The following L3MBTL3 variants were observed in gnomAD, a reference collection of about 807,000 sequenced individuals.
L3MBTL3 encodes the protein lethal(3)malignant brain tumor-like protein 3.
In L3MBTL3, 27 loss-of-function variants were observed where a neutral mutation model predicts 102.3. The observed-to-expected ratio is 0.26, with a 90% CI of 0.19 to 0.36. The LOEUF (loss-of-function observed/expected upper bound fraction) is 0.36. Ranked by LOEUF, L3MBTL3 falls within the 10% of genes least tolerant of loss-of-function variation. The pLI is 1.00. For missense variants in L3MBTL3, 798 were observed against 955.3 expected, an observed-to-expected ratio of 0.84 and a Z score of 2.17; for synonymous variants, 340 against 320.9, an observed-to-expected ratio of 1.06 and a Z score of -0.64.
chr6:130,022,275 A>G lies in L3MBTL3; in HGVS notation c.-46A>G. On this transcript the variant is annotated 5_prime_UTR_variant, in exon 2 of 23. Transcript: ENST00000361794. ...GTGGACAGCAATTGTGAAGATCGCCAGAGAGTTCTGTGTTTCATCACCGCC... is the reference window on the plus strand; with the variant it reads ...GTGGACAGCAATTGTGAAGATCGCCGGAGAGTTCTGTGTTTCATCACCGCC... 6.6e-6 allele frequency: 1 copy of G among 152,194 alleles called. No individual in the cohort carries two copies. Among genetic ancestry groups the G allele is most frequent in the East Asian group, 1.9e-4 (1 of 5,202 alleles). The allele number at this position is 152,194 out of a possible 1,614,324, so 9.4% of individuals were successfully genotyped here.
chr6:130,025,378 G>C (rs146880479), intron 2 of L3MBTL3, among the ~76,000 whole-genome samples: 82 of 152,276 alleles, frequency 5.4e-4, no homozygotes, highest in African/African-American at 1.9e-3. Context: ...ATTGGTGGTT[G>C]TGGATGTAAG....
At chr6:130,086,901 A>G (rs1229997295) in intron 16 of L3MBTL3, among the ~76,000 whole-genome samples, 2 of 152,200 alleles carry the variant, frequency 1.3e-5, no homozygotes, top group African/African-American at 2.4e-5. Context: ...TGGAATTTCT[A>G]TTAGGAATAA....
At chr6:130,130,611 A>G (rs1461715797) in intron 20 of L3MBTL3, among the ~76,000 whole-genome samples, 7 of 152,222 alleles carry the variant, frequency 4.6e-5, no homozygotes, top group Non-Finnish European at 1.0e-4. Context: ...CAAAAAGAAA[A>G]AGAGAATAAA....
chr6:130,069,485 T>C (rs1266631399), intron 12 of L3MBTL3, among the ~76,000 whole-genome samples: 2 of 152,214 alleles, frequency 1.3e-5, no homozygotes, highest in Non-Finnish European at 2.9e-5. Context: ...ATTGTGTTTG[T>C]GTGCATGCGT....
intron 10 of L3MBTL3, among the ~76,000 whole-genome samples, chr6:130,060,754 A>T (rs1489146631): frequency 6.6e-6 from 1 of 151,922 alleles, no homozygotes; most frequent in Non-Finnish European, 1.5e-5. Flanking sequence ...TTCAGGAAAA[A>T]ATGACCAAGT....
chr6:130,087,034 G>T (rs1397105685), intron 16 of L3MBTL3, among the ~76,000 whole-genome samples: 1 of 152,130 alleles, frequency 6.6e-6, no homozygotes, highest in Non-Finnish European at 1.5e-5. Context: ...AGGCAGAGAG[G>T]CTCATAAAGA....
At chr6:130,126,653 C>T (rs1786628762) in intron 20 of L3MBTL3, among the ~76,000 whole-genome samples, 1 of 152,112 alleles carries the variant, frequency 6.6e-6, no homozygotes, top group Non-Finnish European at 1.5e-5. Flanking sequence ...CTGTACTCAA[C>T]CAGAAATGAG....
intron 2 of L3MBTL3, among the ~76,000 whole-genome samples, chr6:130,026,014 G>A (rs1283560836): frequency 6.6e-6 from 1 of 152,136 alleles, no homozygotes; most frequent in Non-Finnish European, 1.5e-5. Flanking sequence ...GTGAATGGTA[G>A]ATAAATGCTG....
In L3MBTL3 at chr6:130,057,431, G is replaced by C; in HGVS notation, c.693G>C (p.Ala231=). The part of the protein sequence containing the change: ...KQGLPPKGKK[A]WCWASYLEEE... ...GTTTGCCTCCTAAAGGAAAGAAAGC[G>C]TGGTGCTGGGCATCCTACCTGGAAG... Residue 231 remains alanine, a synonymous_variant, in exon 9 of 23, where the codon GCG becomes GCC. Transcript: ENST00000361794. 2 of 1,610,662 alleles carry C rather than the reference G, an allele frequency of 1.2e-6. No individual in the cohort carries two copies. The highest frequency in any genetic ancestry group is 1.7e-6 in the Non-Finnish European group (2 of 1,179,006).
chr6:130,032,300 A>G (rs1173952060), intron 2 of L3MBTL3, among the ~76,000 whole-genome samples: 3 of 152,152 alleles, frequency 2.0e-5, no homozygotes, highest in Non-Finnish European at 2.9e-5. Context: ...TAAAAAACCT[A>G]GAGTAGCGTC....
intron 2 of L3MBTL3, among the ~76,000 whole-genome samples, chr6:130,029,409 TGAG>T (rs1452871755): frequency 2.6e-5 from 4 of 152,212 alleles, no homozygotes; most frequent in Non-Finnish European, 5.9e-5. Context: ...ATTTGGTACA[TGAG>T]GACGTTTTTA....
rs370859978 is a variant in L3MBTL3, at chr6:130,063,480, C to T, written c.865-2873C>T. Reference sequence around the variant, plus strand: ...CCATTTTCATTATTCGCAGTAGTTACGCTCCACAAATTACCTTGTGTGGAA... The same window carrying T: ...CCATTTTCATTATTCGCAGTAGTTATGCTCCACAAATTACCTTGTGTGGAA... On this transcript the variant is annotated intron_variant, in intron 10 of 22. Coordinates refer to ENST00000361794, the MANE Select transcript of L3MBTL3 (RefSeq NM_032438.4). Among the ~76,000 whole-genome samples the T allele has an allele frequency of 3.1e-4, 47 of 152,204 alleles. 1 individual carries two copies. In the East Asian group the frequency reaches 3.9e-3, roughly 13 times the overall value.
At chr6:130,068,227 C>A in intron 11 of L3MBTL3, 103 bp from the exon 12 acceptor site, 3 of 598,728 alleles carry the variant, frequency 5.0e-6, no homozygotes, top group South Asian at 2.6e-5. Context: ...TTTAAAAAGT[C>A]ATTTGATTGA....
chr6:130,123,087 C>G (rs1354617583), intron 20 of L3MBTL3, among the ~76,000 whole-genome samples: 2 of 152,112 alleles, frequency 1.3e-5, no homozygotes, highest in Non-Finnish European at 2.9e-5. Flanking sequence ...ATCTTTTTAA[C>G]TCAGTGTTTA....
Position 130,062,297 on chromosome 6 carries a change from G to A in L3MBTL3, c.864+2157G>A, listed in dbSNP as rs566471621. On this transcript the variant is annotated intron_variant, in intron 10 of 22. Coordinates refer to ENST00000361794, the MANE Select transcript of L3MBTL3 (RefSeq NM_032438.4). ...AGAGCATGACCCTTAACAGTTGACT[G>A]TGTGCCTTCCAGATGTTTTCTCTGT... Among the ~76,000 whole-genome samples the A allele has an allele frequency of 2.6e-5, 4 of 152,036 alleles. No homozygotes were observed. In the East Asian group the frequency reaches 5.8e-4, roughly 22 times the overall value.
At chr6:130,137,105 T>C (rs1323626135) in intron 22 of L3MBTL3, among the ~76,000 whole-genome samples, 1 of 152,224 alleles carries the variant, frequency 6.6e-6, no homozygotes, top group African/African-American at 2.4e-5. Context: ...AGACATTCAG[T>C]ATATTTTTGT....
At chr6:130,027,446 G>A (rs1289528725) in intron 2 of L3MBTL3, among the ~76,000 whole-genome samples, 2 of 152,128 alleles carry the variant, frequency 1.3e-5, no homozygotes, top group African/African-American at 4.8e-5. Flanking sequence ...CCTGAATAGT[G>A]AATTGAAATT....
rs1199706217 is a variant in L3MBTL3 at position 130,057,416 on chromosome 6, T to C, written c.678T>C (p.Pro226=). The C allele has an allele frequency of 6.2e-7, 1 of 1,608,342 alleles. No homozygotes were observed. Among genetic ancestry groups the C allele is most frequent in the African/African-American group, 1.3e-5 (1 of 74,866 alleles). Residue 226 remains proline, a synonymous_variant, in exon 9 of 23, where the codon CCT becomes CCC. Coordinates refer to ENST00000361794, the MANE Select transcript of L3MBTL3 (RefSeq NM_032438.4). ...TTGCTTGCCTTTCAGGTTTGCCTCC[T>C]AAAGGAAAGAAAGCGTGGTGCTGGG... ...DSAVLKQGLP[P]KGKKAWCWAS... is the part of the protein sequence containing the mutation.
intron 2 of L3MBTL3, among the ~76,000 whole-genome samples, chr6:130,033,702 T>C (rs1779869370): frequency 1.3e-5 from 2 of 152,252 alleles, no homozygotes; most frequent in African/African-American, 2.4e-5. Context: ...ACCCTCATTT[T>C]ATAACTATTC....
Sources: gnomAD v4.1 joint callset for allele counts (sites outside exome capture counted in the v4.1 genomes callset) on GRCh38, gnomAD v4.1.1 for gene constraint, MANE v1.5 for transcripts, NCBI Gene and HGNC (gene_info 2026-07-23, HGNC 2026-07-21) for gene names.